The following UNC45B variants were observed in gnomAD, a reference collection of about 807,000 sequenced individuals.
The protein encoded by UNC45B is protein unc-45 homolog B.
A neutral mutation model predicts 98.7 loss-of-function variants in UNC45B; 78 were observed. The ratio of observed to expected loss-of-function variants is 0.79; its 90% CI spans 0.66 to 0.95. The LOEUF (loss-of-function observed/expected upper bound fraction) is 0.95. Among genes scored for constraint, UNC45B ranks in the 40% least tolerant of loss-of-function variants. The probability of loss-of-function intolerance (pLI) is 0.00; values close to 1 mark genes in which losing one functional copy is unlikely to be tolerated. For synonymous variants in UNC45B, 462 were observed against 480.4 expected (o/e 0.96, Z 0.50); for missense variants, 1,225 against 1,184.9 (o/e 1.03, Z -0.50).
chr17:35,183,261 C>T (rs181646004), intron 18 of UNC45B, among the ~76,000 whole-genome samples, 166 bp from the exon 19 acceptor site: 1 of 151,336 alleles, frequency 6.6e-6, no homozygotes, highest in East Asian at 1.9e-4. Flanking sequence ...GTAGCCCCTT[C>T]ATTCAACCAG....
intron 2 of UNC45B, 55 bp downstream of exon 2, chr17:35,148,486 G>T (rs1278873272): frequency 4.5e-6 from 7 of 1,569,730 alleles, no homozygotes; most frequent in Non-Finnish European, 6.1e-6. Flanking sequence ...CTTTGGGGCT[G>T]AGTGGCAGCC....
rs1370621699 is a variant in UNC45B, at chr17:35,159,493, G to C, written c.927G>C (p.Arg309Ser). The C allele has an allele frequency of 8.1e-6, 13 of 1,614,014 alleles. No homozygotes were observed. The Admixed American group carries it at 2.2e-4, about 27-fold the overall frequency. Residue 309 changes from arginine (R) to serine (S), a missense_variant, in exon 8 of 20, where the codon AGG (arginine) becomes AGC (serine). Transcript: ENST00000394570. ...ACCTGCTCAATAAGAATGTTCCCAG[G>C]AAGGACCTTGCCATTCATGACAACT... Reference protein sequence around the residue: ...ALNLLNKNVPRKDLAIHDNSR... With the variant: ...ALNLLNKNVPSKDLAIHDNSR...
At chr17:35,172,341 C>T (rs1305787985) in intron 13 of UNC45B, among the ~76,000 whole-genome samples, 2 of 149,920 alleles carry the variant, frequency 1.3e-5, no homozygotes, top group Non-Finnish European at 3.0e-5. Context: ...CCTCTGCCTC[C>T]CAGGTTCAAG....
intron 4 of UNC45B, 50 bp from the exon 5 acceptor site, chr17:35,152,843 A>C: frequency 7.0e-7 from 1 of 1,421,166 alleles, no homozygotes; most frequent in Non-Finnish European, 1.0e-6. Context: ...TGGAGCTGAA[A>C]TGACGTGGAC....
chr17:35,148,154 C>T, intron 1 of UNC45B, 110 bp from the exon 2 acceptor site: 1 of 1,247,698 alleles, frequency 8.0e-7, no homozygotes, highest in African/African-American at 1.5e-5. Flanking sequence ...AGAATCCCCA[C>T]CATCCTCTCT....
At chr17:35,184,319 C>A (rs1175107025) in intron 19 of UNC45B, among the ~76,000 whole-genome samples, 1 of 152,200 alleles carries the variant, frequency 6.6e-6, no homozygotes, top group Non-Finnish European at 1.5e-5. Context: ...TGGACTTCAG[C>A]TTCTTTCTCT....
intron 14 of UNC45B, among the ~76,000 whole-genome samples, chr17:35,175,060 G>GATGAAAGAAAGAAAGAAAGAAAGAAAGA (rs1491189117): frequency 2.8e-3 from 306 of 110,148 alleles, no homozygotes; most frequent in African/African-American, 9.8e-3. Context: ...AGAAAGGAAA[G>GATGAAAGAAAGAAAGAAAGAAAGAAAGA]AAGAAAGAAA....
Position 35,186,730 on chromosome 17 carries a change from G to A in UNC45B, c.*171G>A. On this transcript the variant is annotated 3_prime_UTR_variant, in exon 20 of 20. Transcript: ENST00000394570. ...AGTTGTGAGTCTTCTCCTTTGTCCT[G>A]ACAGAGTTTGGATGTTTCACTCTCT... 1 of 698,226 alleles carries A rather than the reference G, an allele frequency of 1.4e-6. No individual in the cohort carries two copies. The highest frequency in any genetic ancestry group is 2.2e-6 in the Non-Finnish European group (1 of 446,632). 43.3% of individuals were successfully genotyped at this position (698,226 alleles called of 1,614,324 possible).
chr17:35,172,463 G>A (rs2092194168), intron 13 of UNC45B, among the ~76,000 whole-genome samples: 1 of 152,112 alleles, frequency 6.6e-6, no homozygotes, highest in African/African-American at 2.4e-5. Flanking sequence ...TGGTCAGGCT[G>A]GTCTCAAACT....
In UNC45B at chr17:35,187,983, T is replaced by G. The variant is rs1300081457; in HGVS notation, c.*1424T>G. On this transcript the variant is annotated 3_prime_UTR_variant, in exon 20 of 20. Coordinates refer to ENST00000394570, the MANE Select transcript of UNC45B (RefSeq NM_001267052.2). ...TTCCGTTGTGTAATAAATGTAAGTGTACATATGCCTGGGACATCAGCTGGA... is the reference window on the plus strand; with the variant it reads ...TTCCGTTGTGTAATAAATGTAAGTGGACATATGCCTGGGACATCAGCTGGA... 1 of 152,228 alleles carries G rather than the reference T, an allele frequency of 6.6e-6. No homozygotes were observed. The highest frequency in any genetic ancestry group is 1.5e-5 in the Non-Finnish European group (1 of 68,030). 9.4% of individuals were successfully genotyped at this position (152,228 alleles called of 1,614,324 possible). A position where few individuals can be genotyped will look rare whatever the true frequency, so the allele number is the denominator to read the frequency against.
At chr17:35,181,227 A>C (rs1049148681) in intron 18 of UNC45B, among the ~76,000 whole-genome samples, 2 of 152,238 alleles carry the variant, frequency 1.3e-5, no homozygotes, top group African/African-American at 4.8e-5. Flanking sequence ...AACATGCCGT[A>C]GGCTTCATGG....
Position 35,148,365 on chromosome 17 carries a change from G to A in UNC45B, c.102G>A (p.Lys34=). 1 of 1,614,150 alleles carries A rather than the reference G, an allele frequency of 6.2e-7. No individual in the cohort carries two copies. The highest frequency in any genetic ancestry group is 1.3e-5 in the African/African-American group (1 of 75,060). Residue 34 remains lysine, a synonymous_variant, in exon 2 of 20, where the codon AAG becomes AAA. Transcript: ENST00000394570. The part of the protein sequence containing the change: ...AATNSYSQAL[K]LTKDKALLAT... ...CAAATAGCTACAGCCAGGCCCTGAA[G>A]CTGACCAAGGACAAGGCCCTGCTGG...
intron 5 of UNC45B, among the ~76,000 whole-genome samples, chr17:35,154,134 A>G (rs2092041206): frequency 1.3e-5 from 2 of 152,184 alleles, no homozygotes; most frequent in African/African-American, 4.8e-5. Context: ...TGGGAACTTC[A>G]GATTCCCCTG....
chr17:35,171,174 TGCGCTGCTG>T, intron 12 of UNC45B, 139 bp from the exon 13 acceptor site: 1 of 955,676 alleles, frequency 1.0e-6, no homozygotes, highest in Non-Finnish European at 1.6e-6. Context: ...GTTCCTCTCC[TGCGCTGCTG>T]TCTTTCCTCA....
chr17:35,166,587 G>A (rs1300739670), intron 9 of UNC45B, among the ~76,000 whole-genome samples: 1 of 152,222 alleles, frequency 6.6e-6, no homozygotes, highest in African/African-American at 2.4e-5. Flanking sequence ...CCTAGCAAGA[G>A]TGGAATACAT....
At chr17:35,150,844 T>G (rs1333811910) in intron 4 of UNC45B, among the ~76,000 whole-genome samples, 1 of 151,392 alleles carries the variant, frequency 6.6e-6, no homozygotes, top group Non-Finnish European at 1.5e-5. Flanking sequence ...TCTCTCTTTC[T>G]ATGTATTATA....
At chr17:35,175,055 G>GAA in intron 14 of UNC45B, among the ~76,000 whole-genome samples, 1 of 111,736 alleles carries the variant, frequency 8.9e-6, no homozygotes, top group African/African-American at 3.8e-5. Context: ...AAGAAAGAAA[G>GAA]GAAAGAAGAA....
chr17:35,155,527 C>A, intron 7 of UNC45B, 63 bp downstream of exon 7: 1 of 1,549,082 alleles, frequency 6.5e-7, no homozygotes, highest in Non-Finnish European at 8.8e-7. Flanking sequence ...GTTGCTACCT[C>A]AGACTGGGAA....
chr17:35,161,359 T>C (rs2092101169), intron 8 of UNC45B, among the ~76,000 whole-genome samples: 1 of 152,158 alleles, frequency 6.6e-6, no homozygotes, highest in Non-Finnish European at 1.5e-5. Context: ...TGTCAGGATG[T>C]CAAACCCGAA....
Sources: allele counts gnomAD v4.1 joint callset (sites outside exome capture counted in the v4.1 genomes callset), GRCh38; gene constraint gnomAD v4.1.1; transcripts MANE v1.5; gene names NCBI Gene and HGNC (gene_info 2026-07-23, HGNC 2026-07-21).